NGF: variants seen among roughly 807,000 people sequenced by gnomAD.
NGF encodes nerve growth factor.
A neutral mutation model predicts 12.8 loss-of-function variants in NGF; 4 were observed. That is an observed-to-expected ratio of 0.31 (90% confidence interval 0.15 to 0.72). The LOEUF is 0.72. Among genes scored for constraint, NGF ranks in the 30% least tolerant of loss-of-function variants. NGF has a pLI of 0.69. For missense variants in NGF, 283 were observed against 330.8 expected (o/e 0.86, Z 1.12); for synonymous variants, 140 against 130.0 (o/e 1.08, Z -0.52).
At chr1:115,303,747 G>T (rs1183368263) in intron 1 of NGF, among the ~76,000 whole-genome samples, 2 of 152,126 alleles carry the variant, frequency 1.3e-5, no homozygotes, top group African/African-American at 4.8e-5. Context: ...AAGGGTTAAA[G>T]AACTTTGGAG....
rs115789829 is a variant in NGF, at chr1:115,289,210, C to G, written c.-12-2403G>C. ...CAAATCTAAACCTTTTACTTTTGCT[C>G]CTTTTCATGTTTCACTTCTTTGTTC... On this transcript the variant is annotated intron_variant, in intron 2 of 2. Transcript: ENST00000369512. Among the ~76,000 whole-genome samples the G allele has an allele frequency of 3.6e-3, 544 of 152,030 alleles. 7 individuals are homozygous for G. Among genetic ancestry groups the G allele is most frequent in the African/African-American group, 0.012 (513 of 41,482 alleles).
intron 1 of NGF, among the ~76,000 whole-genome samples, chr1:115,310,046 G>A (rs752555938): frequency 1.2e-4 from 18 of 152,208 alleles, no homozygotes; most frequent in Non-Finnish European, 2.5e-4. Context: ...TTGCTTTGTG[G>A]AAAATCTTCT....
chr1:115,298,583 C>T (rs530736947), intron 1 of NGF, among the ~76,000 whole-genome samples: 45 of 150,832 alleles, frequency 3.0e-4, no homozygotes, highest in South Asian at 2.2e-4. Context: ...AAGGGGGCTG[C>T]GGCTGCCCTG....
chr1:115,327,464 G>A (rs1222218916), intron 1 of NGF, among the ~76,000 whole-genome samples: 1 of 152,168 alleles, frequency 6.6e-6, no homozygotes, highest in African/African-American at 2.4e-5. Flanking sequence ...TTTGGAGTCT[G>A]ACCTCTTCAA....
At chr1:115,298,955 T>C (rs542489760) in intron 1 of NGF, among the ~76,000 whole-genome samples, 2 of 152,238 alleles carry the variant, frequency 1.3e-5, no homozygotes, top group South Asian at 4.1e-4. Flanking sequence ...TTCCCCTCAA[T>C]TCTCCCATCT....
chr1:115,317,882 T>C (rs922631317), intron 1 of NGF, among the ~76,000 whole-genome samples: 3 of 152,220 alleles, frequency 2.0e-5, no homozygotes, highest in Admixed American at 6.5e-5. Context: ...ACAAGTTAAG[T>C]ATTTCAATGT....
intron 1 of NGF, among the ~76,000 whole-genome samples, chr1:115,294,288 TCA>T (rs1266561968): frequency 6.6e-6 from 1 of 152,194 alleles, no homozygotes; most frequent in Non-Finnish European, 1.5e-5. Flanking sequence ...GACAGGAATC[TCA>T]GAGTACCACA....
chr1:115,312,531 G>C (rs1654362318), intron 1 of NGF, among the ~76,000 whole-genome samples: 1 of 152,162 alleles, frequency 6.6e-6, no homozygotes, highest in Admixed American at 6.5e-5. Flanking sequence ...CAATGGAGGG[G>C]TCACAGAAGC....
At chr1:115,307,534 T>C (rs977655067) in intron 1 of NGF, among the ~76,000 whole-genome samples, 1 of 152,204 alleles carries the variant, frequency 6.6e-6, no homozygotes. Context: ...ACTCAGCTTG[T>C]GCTGGTGAGA....
intron 1 of NGF, among the ~76,000 whole-genome samples, chr1:115,323,504 C>A (rs573838406): frequency 2.0e-5 from 3 of 152,276 alleles, no homozygotes; most frequent in African/African-American, 7.2e-5. Flanking sequence ...GGACAGGCAA[C>A]CTTATCATAG....
At chr1:115,299,209 TC>T (rs1653961843) in intron 1 of NGF, among the ~76,000 whole-genome samples, 1 of 152,208 alleles carries the variant, frequency 6.6e-6, no homozygotes, top group South Asian at 2.1e-4. Context: ...AAATTGCTAT[TC>T]TTTTTGATGA....
intron 1 of NGF, among the ~76,000 whole-genome samples, chr1:115,295,537 C>T (rs935833812): frequency 2.0e-5 from 3 of 152,082 alleles, no homozygotes; most frequent in African/African-American, 4.8e-5. Flanking sequence ...AAGATGGTTT[C>T]GTCTAGTCCA....
intron 2 of NGF, among the ~76,000 whole-genome samples, chr1:115,290,847 T>C (rs1653673950): frequency 6.6e-6 from 1 of 152,168 alleles, no homozygotes; most frequent in African/African-American, 2.4e-5. Flanking sequence ...TAACTCCTCC[T>C]CTAAGAAACT....
intron 1 of NGF, among the ~76,000 whole-genome samples, chr1:115,302,515 A>G (rs1654068569): frequency 6.6e-6 from 1 of 152,214 alleles, no homozygotes; most frequent in Non-Finnish European, 1.5e-5. Context: ...GATGAAAAAA[A>G]GAAAGAAAAA....
At chr1:115,303,993 GT>G (rs1018932841) in intron 1 of NGF, among the ~76,000 whole-genome samples, 2 of 152,034 alleles carry the variant, frequency 1.3e-5, no homozygotes, top group Admixed American at 6.6e-5. Context: ...TTCTGGGGCT[GT>G]TTTTTTCCTT....
chr1:115,315,282 G>A lies in NGF; in HGVS notation c.-136-21532C>T, dbSNP rs1654446749. ...ACACTGTGGCTGAGCACACACAATG[G>A]GGACCAAGAAGAGAAACCGGAAGAT... On this transcript the variant is annotated intron_variant, in intron 1 of 2. Coordinates refer to ENST00000369512, the MANE Select transcript of NGF (RefSeq NM_002506.3). 2.6e-5 allele frequency among the ~76,000 whole-genome samples: 4 copies of A among 152,312 alleles called. No homozygotes were observed. The South Asian group carries it at 6.2e-4, about 24-fold the overall frequency.
Position 115,333,804 on chromosome 1 carries a change from T to TTC in NGF, c.-137+4398_-137+4399dup, listed in dbSNP as rs148384542. 5.0e-3 allele frequency among the ~76,000 whole-genome samples: 664 copies of TTC among 133,852 alleles called. 27 individuals carry two copies. Among genetic ancestry groups the TTC allele is most frequent in the African/African-American group, 0.015 (529 of 34,770 alleles). 87.8% of individuals were successfully genotyped at this position (133,852 alleles called of 152,430 possible). A position where few individuals can be genotyped will look rare whatever the true frequency, so the allele number is the denominator to read the frequency against. On this transcript the variant is annotated intron_variant, in intron 1 of 2. Coordinates refer to ENST00000369512, the MANE Select transcript of NGF (RefSeq NM_002506.3). ...TCCTTCCTTTCTTTTCTTTCTTTCT[T>TTC]TCTCTTTTTCTTTCTTTCTCTCTTC...
At chr1:115,322,370 C>G (rs542070860) in intron 1 of NGF, among the ~76,000 whole-genome samples, 1 of 152,236 alleles carries the variant, frequency 6.6e-6, no homozygotes, top group Non-Finnish European at 1.5e-5. Context: ...AGGGGCTGTT[C>G]CCTTTCTGTG....
chr1:115,333,863 T>C (rs1045699579), intron 1 of NGF, among the ~76,000 whole-genome samples: 3 of 151,728 alleles, frequency 2.0e-5, no homozygotes, highest in Non-Finnish European at 4.4e-5. Flanking sequence ...TTCTTTTTTT[T>C]CCCTCATTTG....
Sources: allele counts gnomAD v4.1 joint callset (sites outside exome capture counted in the v4.1 genomes callset), GRCh38; gene constraint gnomAD v4.1.1; transcripts MANE v1.5; gene names NCBI Gene and HGNC (gene_info 2026-07-23, HGNC 2026-07-21).